Variants in GPC3 observed in about 807,000 individuals in gnomAD.
GPC3 encodes the protein glypican-3.
In GPC3, 3 loss-of-function variants were observed where a neutral mutation model predicts 34.4. That is an observed-to-expected ratio of 0.09 (90% confidence interval 0.04 to 0.23). The LOEUF (loss-of-function observed/expected upper bound fraction) is 0.23. Among genes scored for constraint, GPC3 ranks in the 10% least tolerant of loss-of-function variants. The pLI is 1.00. For synonymous variants in GPC3, 177 were observed against 174.0 expected (o/e 1.02, Z -0.13); for missense variants, 351 against 445.6 (o/e 0.79, Z 1.91).
chrX:133,699,441 A>G (rs1440564072), intron 4 of GPC3, among the ~76,000 whole-genome samples: 1 of 111,865 alleles, frequency 8.9e-6, no homozygotes, highest in Non-Finnish European at 1.9e-5. Flanking sequence ...AGAACCAGGA[A>G]CCAGATCCTT....
At chrX:133,705,734 A>G (rs892487651) in intron 3 of GPC3, among the ~76,000 whole-genome samples, 2 of 112,496 alleles carry the variant, frequency 1.8e-5, no homozygotes, top group Non-Finnish European at 3.8e-5. Context: ...ATTGGAGGAC[A>G]GTAATAATGA....
chrX:133,718,096 A>G (rs1459760860), intron 3 of GPC3, among the ~76,000 whole-genome samples: 2 of 112,030 alleles, frequency 1.8e-5, no homozygotes, highest in African/African-American at 6.5e-5. Flanking sequence ...CTAGAAAAAA[A>G]GAGAAAGAAA....
intron 7 of GPC3, among the ~76,000 whole-genome samples, chrX:133,588,843 AT>A (rs1261445392): frequency 8.9e-6 from 1 of 112,342 alleles, no homozygotes; most frequent in African/African-American, 3.2e-5. Context: ...AAGGGAATAT[AT>A]GCTACAGACA....
At chrX:133,696,153 A>C (rs1468865038) in intron 4 of GPC3, among the ~76,000 whole-genome samples, 1 of 112,511 alleles carries the variant, frequency 8.9e-6, no homozygotes, top group African/African-American at 3.2e-5. Flanking sequence ...TCCTTTATGG[A>C]AAACCTTCTG....
chrX:133,596,249 T>A (rs2069913255), intron 7 of GPC3, 191 bp downstream of exon 7: 1 of 455,729 alleles, frequency 2.2e-6, no homozygotes. Flanking sequence ...AGGTTGGAAA[T>A]GGTGGGAGGA....
At position 133,622,243 on chromosome X, in the gene GPC3, C is replaced by A. The variant is rs1438000570; in HGVS notation, c.1414-25644G>T. Reference sequence around the variant, plus strand: ...GCTGAAAATTCTAAAAATCGGAGCACCTCCTCTCCTCCAAAGGAATGCAGC... The same window carrying A: ...GCTGAAAATTCTAAAAATCGGAGCAACTCCTCTCCTCCAAAGGAATGCAGC... On this transcript the variant is annotated intron_variant, in intron 6 of 7. Coordinates refer to ENST00000370818, the MANE Select transcript of GPC3 (RefSeq NM_004484.4). 5.4e-5 allele frequency among the ~76,000 whole-genome samples: 6 copies of A among 111,873 alleles called. No individual in the cohort carries two copies. In the Admixed American group the frequency reaches 5.7e-4, roughly 11 times the overall value.
intron 6 of GPC3, among the ~76,000 whole-genome samples, chrX:133,623,611 A>C (rs1311654266): frequency 3.6e-5 from 4 of 112,226 alleles, no homozygotes; most frequent in Non-Finnish European, 7.5e-5. Flanking sequence ...AGAGCTAACT[A>C]TCCTAAATAT....
At chrX:133,568,054 A>G (rs1202614149) in intron 7 of GPC3, among the ~76,000 whole-genome samples, 1 of 112,148 alleles carries the variant, frequency 8.9e-6, no homozygotes, top group Non-Finnish European at 1.9e-5. Flanking sequence ...TGAGCTCCAG[A>G]CTCTACAAAG....
chrX:133,557,966 AT>A (rs1304465382), intron 7 of GPC3, among the ~76,000 whole-genome samples: 3 of 109,799 alleles, frequency 2.7e-5, no homozygotes, highest in South Asian at 3.9e-4. Context: ...TTAAATAAAG[AT>A]TTTTTTTTTC....
chrX:133,870,921 T>G (rs993981491), intron 2 of GPC3, among the ~76,000 whole-genome samples: 43 of 112,240 alleles, frequency 3.8e-4, no homozygotes, highest in African/African-American at 1.2e-3. Context: ...TCTCTCTGCC[T>G]TCCACATGAA....
At chrX:133,778,733 C>G (rs749814746) in intron 2 of GPC3, among the ~76,000 whole-genome samples, 1 of 111,434 alleles carries the variant, frequency 9.0e-6, no homozygotes, top group African/African-American at 3.3e-5. Context: ...CTGGGACTGC[C>G]TGGATGACTC....
At chrX:133,860,760 G>C (rs996220524) in intron 2 of GPC3, among the ~76,000 whole-genome samples, 2 of 111,430 alleles carry the variant, frequency 1.8e-5, no homozygotes, top group African/African-American at 6.5e-5. Context: ...ATGGTGAGGA[G>C]TATCTCAACC....
intron 7 of GPC3, among the ~76,000 whole-genome samples, chrX:133,571,464 G>A (rs1016162318): frequency 6.3e-5 from 7 of 111,232 alleles, no homozygotes; most frequent in Middle Eastern, 4.6e-3. Context: ...TGGGGTTCAC[G>A]CCATTCTCCT....
chrX:133,734,718 ATC>A lies in GPC3; in HGVS notation c.1032+18762_1032+18763del, dbSNP rs113935655. On this transcript the variant is annotated intron_variant, in intron 3 of 7. Coordinates refer to ENST00000370818, the MANE Select transcript of GPC3 (RefSeq NM_004484.4). Reference sequence around the variant, plus strand: ...GTATAGAAAACACCAAAGACTGACAATCTCTCTCTCTCTCTCTCTCACTCACT... The same window carrying A: ...GTATAGAAAACACCAAAGACTGACAATCTCTCTCTCTCTCTCTCACTCACT... Among the ~76,000 whole-genome samples the A allele has an allele frequency of 2.8e-4, 30 of 107,310 alleles. No homozygotes were observed. In the Middle Eastern group the frequency reaches 0.019, roughly 68 times the overall value. 93.2% of individuals were successfully genotyped at this position (107,310 alleles called of 115,157 possible).
intron 6 of GPC3, among the ~76,000 whole-genome samples, chrX:133,612,141 C>T (rs1007744391): frequency 8.9e-6 from 1 of 112,098 alleles, no homozygotes; most frequent in Non-Finnish European, 1.9e-5. Flanking sequence ...TAATCAAGTA[C>T]TTCTTCTTCC....
At chrX:133,582,754 T>A (rs1324655369) in intron 7 of GPC3, among the ~76,000 whole-genome samples, 1 of 111,656 alleles carries the variant, frequency 9.0e-6, no homozygotes, top group African/African-American at 3.3e-5. Context: ...TCATCATAGA[T>A]AACTTGAGAT....
chrX:133,979,212 TTAG>T (rs2076528411), intron 1 of GPC3, among the ~76,000 whole-genome samples: 1 of 111,908 alleles, frequency 8.9e-6, no homozygotes, highest in African/African-American at 3.2e-5. Flanking sequence ...TTCAAAGAGC[TTAG>T]TAGATTTACT....
intron 2 of GPC3, chrX:133,763,394 A>T (rs2071816478): frequency 3.7e-6 from 2 of 540,965 alleles, no homozygotes; most frequent in East Asian, 6.7e-5. Context: ...GTCATGCCTG[A>T]TCTCTACTTC....
At chrX:133,873,284 T>C (rs2076001624) in intron 2 of GPC3, among the ~76,000 whole-genome samples, 1 of 112,098 alleles carries the variant, frequency 8.9e-6, no homozygotes, top group Admixed American at 9.5e-5. Flanking sequence ...GGCATAAACA[T>C]TATCCTTCGG....
Sources: allele counts gnomAD v4.1 joint callset (sites outside exome capture counted in the v4.1 genomes callset), GRCh38; gene constraint gnomAD v4.1.1; transcripts MANE v1.5; gene names NCBI Gene and HGNC (gene_info 2026-07-23, HGNC 2026-07-21).